FCHO2: variants seen among roughly 807,000 people sequenced by gnomAD.
FCHO2 encodes F-BAR domain only protein 2.
FCHO2 carries 43 observed loss-of-function variants against 114.1 expected under a neutral mutation model. The observed-to-expected ratio is 0.38, with a 90% CI of 0.30 to 0.49. The LOEUF is 0.49. Ranked by LOEUF, FCHO2 falls within the 20% of genes least tolerant of loss-of-function variation. The pLI, the probability that FCHO2 is intolerant of heterozygous loss-of-function variation, is 0.97. For missense variants in FCHO2, 807 were observed against 950.4 expected (o/e 0.85, Z 1.98); for synonymous variants, 293 against 315.2 (o/e 0.93, Z 0.75).
chr5:72,994,529 G>T (rs753687553), intron 5 of FCHO2, among the ~76,000 whole-genome samples: 20 of 152,186 alleles, frequency 1.3e-4, no homozygotes, highest in Admixed American at 2.0e-4. Flanking sequence ...TACACTGTTG[G>T]TGGGAGTGTA....
At chr5:73,013,550 G>A (rs944901477) in intron 6 of FCHO2, among the ~76,000 whole-genome samples, 1 of 152,170 alleles carries the variant, frequency 6.6e-6, no homozygotes, top group Non-Finnish European at 1.5e-5. Context: ...TTATTGCTCT[G>A]TGAGATATTA....
chr5:73,017,306 C>T lies in FCHO2; in HGVS notation c.794C>T (p.Pro265Leu). The T allele has an allele frequency of 6.5e-7, 1 of 1,543,272 alleles. No homozygotes were observed. Among genetic ancestry groups the T allele is most frequent in the South Asian group, 1.2e-5 (1 of 81,566 alleles). The change falls in exon 8 of 26, where the codon CCT (proline) becomes CTT (leucine). Residue 265 changes from proline (P) to leucine (L), a missense_variant and splice_region_variant. Coordinates refer to ENST00000430046, the MANE Select transcript of FCHO2 (RefSeq NM_138782.3). Reference protein sequence around the residue: ...AESKGTGKERPGLIEFEECDT... With the variant: ...AESKGTGKERLGLIEFEECDT... ...TCAAAAGGCACTGGGAAGGAAAGAC[C>T]TGGTAAGATGATAAACTCTGCAAGG...
At chr5:73,034,556 A>G in intron 8 of FCHO2, 101 bp from the exon 9 acceptor site, 2 of 812,932 alleles carry the variant, frequency 2.5e-6, no homozygotes, top group South Asian at 1.8e-5. Flanking sequence ...ATGCGTTGTC[A>G]ATTAAAAGTA....
At chr5:73,069,352 T>C (rs899731954) in intron 19 of FCHO2, among the ~76,000 whole-genome samples, 2 of 152,108 alleles carry the variant, frequency 1.3e-5, no homozygotes, top group South Asian at 4.1e-4. Context: ...TCTATTATTA[T>C]TACATTGTAA....
chr5:73,042,089 C>CT (rs955028393), intron 11 of FCHO2, among the ~76,000 whole-genome samples: 2 of 152,028 alleles, frequency 1.3e-5, no homozygotes, highest in Admixed American at 6.5e-5. Flanking sequence ...TTGTGAAACA[C>CT]TGTGTTTTAT....
At chr5:73,084,761 G>A (rs1396880165) in intron 24 of FCHO2, among the ~76,000 whole-genome samples, 2 of 152,152 alleles carry the variant, frequency 1.3e-5, no homozygotes, top group Non-Finnish European at 2.9e-5. Context: ...GACTTTTACT[G>A]GAGAGCCATA....
intron 6 of FCHO2, among the ~76,000 whole-genome samples, chr5:73,006,833 G>A (rs1754743741): frequency 6.6e-6 from 1 of 152,168 alleles, no homozygotes; most frequent in African/African-American, 2.4e-5. Context: ...TGCTTAAGAA[G>A]CATTAATAAG....
intron 2 of FCHO2, among the ~76,000 whole-genome samples, chr5:72,984,187 T>C (rs1753383925): frequency 6.6e-6 from 1 of 152,232 alleles, no homozygotes; most frequent in African/African-American, 2.4e-5. Flanking sequence ...ATGTGAATTA[T>C]TGAAATTTGT....
At chr5:72,985,880 C>T (rs1193150685) in intron 2 of FCHO2, among the ~76,000 whole-genome samples, 1 of 152,092 alleles carries the variant, frequency 6.6e-6, no homozygotes, top group East Asian at 1.9e-4. Flanking sequence ...GTTTGTTGGG[C>T]TGCTTGGATC....
intron 8 of FCHO2, among the ~76,000 whole-genome samples, chr5:73,024,716 T>A (rs1755823977): frequency 6.6e-6 from 1 of 151,996 alleles, no homozygotes; most frequent in Admixed American, 6.6e-5. Flanking sequence ...GGATTACAGG[T>A]GTGAGCCACC....
chr5:72,968,781 T>C (rs1021071167), intron 2 of FCHO2, among the ~76,000 whole-genome samples, 192 bp downstream of exon 2: 5 of 152,204 alleles, frequency 3.3e-5, no homozygotes, highest in Admixed American at 6.5e-5. Flanking sequence ...TCAAAGTGGC[T>C]CAAAGTTTAA....
At position 73,036,956 on chromosome 5, in the gene FCHO2, A is replaced by G. The variant is rs139316852; in HGVS notation, c.842-187A>G. ...ATGATCTTTTGATAAACAATAGACT[A>G]TGTTTTATTAACATAAGAAAAGTCT... On this transcript the variant is annotated intron_variant, in intron 9 of 25. Transcript: ENST00000430046. Among the ~76,000 whole-genome samples the G allele has an allele frequency of 2.5e-3, 386 of 152,312 alleles. 1 individual carries two copies. Among genetic ancestry groups the G allele is most frequent in the African/African-American group, 9.0e-3 (376 of 41,582 alleles).
At chr5:72,996,903 G>A in intron 5 of FCHO2, 1 of 1,559,356 alleles carries the variant, frequency 6.4e-7, no homozygotes, top group Non-Finnish European at 8.7e-7. Context: ...AGAGCAGGCA[G>A]TGCCAGGGTC....
intron 1 of FCHO2, among the ~76,000 whole-genome samples, chr5:72,965,198 T>C (rs1027888990): frequency 2.6e-5 from 4 of 151,924 alleles, no homozygotes; most frequent in African/African-American, 9.7e-5. Flanking sequence ...TGTAGAAAAA[T>C]TGCTTGCATA....
chr5:73,062,840 G>A (rs1757913163), intron 17 of FCHO2, among the ~76,000 whole-genome samples: 1 of 151,686 alleles, frequency 6.6e-6, no homozygotes, highest in African/African-American at 2.4e-5. Flanking sequence ...CTTTAGCTTT[G>A]CAGTTTATTT....
intron 24 of FCHO2, among the ~76,000 whole-genome samples, chr5:73,084,034 T>C (rs945553966): frequency 5.9e-5 from 9 of 152,282 alleles, no homozygotes; most frequent in South Asian, 2.1e-4. Flanking sequence ...CAAGTTATGC[T>C]TCTCTCACTA....
intron 1 of FCHO2, among the ~76,000 whole-genome samples, chr5:72,959,295 C>G (rs535657882): frequency 1.3e-5 from 2 of 152,152 alleles, no homozygotes; most frequent in South Asian, 4.1e-4. Context: ...TGGATTGAGC[C>G]CAAGAATTGG....
chr5:73,031,730 G>A (rs1395409221), intron 8 of FCHO2, among the ~76,000 whole-genome samples: 1 of 152,062 alleles, frequency 6.6e-6, no homozygotes, highest in East Asian at 1.9e-4. Flanking sequence ...CTGTTCTTCT[G>A]TTCTATGAGT....
At chr5:73,030,794 G>A (rs1342276305) in intron 8 of FCHO2, among the ~76,000 whole-genome samples, 1 of 152,182 alleles carries the variant, frequency 6.6e-6, no homozygotes, top group Non-Finnish European at 1.5e-5. Context: ...TAGTTTAGAA[G>A]CATTGCGCCA....
Sources: gnomAD v4.1 joint callset for allele counts (sites outside exome capture counted in the v4.1 genomes callset) on GRCh38, gnomAD v4.1.1 for gene constraint, MANE v1.5 for transcripts, NCBI Gene and HGNC (gene_info 2026-07-23, HGNC 2026-07-21) for gene names.